The following ARHGAP28 variants were observed in gnomAD, a reference collection of about 807,000 sequenced individuals.
ARHGAP28 encodes Rho GTPase activating protein 28.
A neutral mutation model predicts 90.7 loss-of-function variants in ARHGAP28; 56 were observed. The observed-to-expected ratio is 0.62, with a 90% CI of 0.50 to 0.77. ARHGAP28 has a LOEUF of 0.77. ARHGAP28 is among the 30% of genes least tolerant of loss of function. The pLI is 0.00. For synonymous variants in ARHGAP28, 308 were observed against 323.3 expected (o/e 0.95, Z 0.51); for missense variants, 869 against 900.9 (o/e 0.96, Z 0.45).
chr18:6,779,790 A>G (rs1394099249), intron 1 of ARHGAP28, among the ~76,000 whole-genome samples: 2 of 152,220 alleles, frequency 1.3e-5, no homozygotes, highest in Non-Finnish European at 2.9e-5. Context: ...GCCTCTGCCA[A>G]TTCTTTATTG....
At chr18:6,905,612 A>G (rs1237359421) in intron 16 of ARHGAP28, among the ~76,000 whole-genome samples, 1 of 152,172 alleles carries the variant, frequency 6.6e-6, no homozygotes, top group Non-Finnish European at 1.5e-5. Flanking sequence ...ATAAAAGTCT[A>G]TTTGCAGATG....
intron 1 of ARHGAP28, among the ~76,000 whole-genome samples, chr18:6,760,166 T>G (rs558265225): frequency 6.6e-6 from 1 of 152,220 alleles, no homozygotes; most frequent in African/African-American, 2.4e-5. Context: ...AACAGATAGG[T>G]TTTTTCCGCT....
chr18:6,760,642 G>A (rs2056151810), intron 1 of ARHGAP28, among the ~76,000 whole-genome samples: 1 of 152,148 alleles, frequency 6.6e-6, no homozygotes, highest in South Asian at 2.1e-4. Context: ...GGATTGCTTT[G>A]ATAAAGCAAT....
chr18:6,823,140 C>A (rs9956412), intron 1 of ARHGAP28, among the ~76,000 whole-genome samples: 1 of 151,866 alleles, frequency 6.6e-6, no homozygotes, highest in African/African-American at 2.4e-5. Flanking sequence ...AACCCAAAGA[C>A]AAGAAGGCAA....
chr18:6,770,604 T>A (rs1308424362), intron 1 of ARHGAP28, among the ~76,000 whole-genome samples: 1 of 152,236 alleles, frequency 6.6e-6, no homozygotes, highest in East Asian at 1.9e-4. Context: ...AGTTGAGCTC[T>A]CTTGCTCCAC....
At chr18:6,800,411 T>C (rs1256456688) in intron 1 of ARHGAP28, among the ~76,000 whole-genome samples, 3 of 152,174 alleles carry the variant, frequency 2.0e-5, no homozygotes, top group Admixed American at 6.5e-5. Context: ...CATGCACACA[T>C]ATATTTATTG....
intron 3 of ARHGAP28, among the ~76,000 whole-genome samples, chr18:6,848,673 C>T (rs768596965): frequency 6.6e-6 from 1 of 152,116 alleles, no homozygotes; most frequent in Non-Finnish European, 1.5e-5. Flanking sequence ...GCGTTTGTCT[C>T]CCCTTGGCTG....
At position 6,851,654 on chromosome 18, in the gene ARHGAP28, C is replaced by A. The variant is rs144488943; in HGVS notation, c.636+528C>A. On this transcript the variant is annotated intron_variant, in intron 4 of 17. Coordinates refer to ENST00000383472, the MANE Select transcript of ARHGAP28 (RefSeq NM_001366230.1). The stretch of plus-strand genomic sequence containing the variant: ...CCCCAAACTGAAAATATCCAGATGG[C>A]CATTTGCAGGTAAATGGATAAAAAA... Among the ~76,000 whole-genome samples the A allele has an allele frequency of 1.6e-4, 24 of 152,110 alleles. No homozygotes were observed. In the East Asian group the frequency reaches 3.9e-3, roughly 24 times the overall value.
chr18:6,847,567 C>T (rs2056875406), intron 3 of ARHGAP28, among the ~76,000 whole-genome samples: 1 of 151,190 alleles, frequency 6.6e-6, no homozygotes, highest in Non-Finnish European at 1.5e-5. Flanking sequence ...TCGAATCTAA[C>T]CATACGAAGC....
Position 6,873,752 on chromosome 18 carries a change from A to G in ARHGAP28, c.1189A>G (p.Lys397Glu), listed in dbSNP as rs1316838173. The G allele has an allele frequency of 6.2e-7, 1 of 1,614,082 alleles. No homozygotes were observed. The highest frequency in any genetic ancestry group is 8.5e-7 in the Non-Finnish European group (1 of 1,179,964). The change falls in exon 9 of 18, where the codon AAA (lysine) becomes GAA (glutamate). Residue 397 changes from lysine (K) to glutamate (E), a missense_variant. Lys to Glu is a moderately conservative substitution (Grantham distance 56). Transcript: ENST00000383472. ...DGDRKKDPGV[K>E]VPLVLQKFFE... ...TGACCGAAAGAAAGACCCTGGAGTG[A>G]AAGTTCCCCTGGTATTACAAAAAGT...
intron 3 of ARHGAP28, among the ~76,000 whole-genome samples, chr18:6,843,965 G>T (rs145428909): frequency 2.6e-5 from 4 of 152,112 alleles, no homozygotes; most frequent in African/African-American, 9.7e-5. Flanking sequence ...GATACATCAC[G>T]CATGGTTTAC....
chr18:6,783,713 C>CA (rs1567946218), intron 1 of ARHGAP28, among the ~76,000 whole-genome samples: 1 of 152,200 alleles, frequency 6.6e-6, no homozygotes, highest in African/African-American at 2.4e-5. Context: ...ACAAGCCCCC[C>CA]TTGCCCTCTA....
chr18:6,823,686 A>G (rs2056641527), intron 1 of ARHGAP28, among the ~76,000 whole-genome samples: 1 of 148,320 alleles, frequency 6.7e-6, no homozygotes, highest in Admixed American at 6.9e-5. Context: ...ATTTTCTAGT[A>G]TTACCTACAA....
chr18:6,873,257 T>G, intron 7 of ARHGAP28, 152 bp from the exon 8 acceptor site: 1 of 655,152 alleles, frequency 1.5e-6, no homozygotes, highest in Non-Finnish European at 2.6e-6. Context: ...AAACCACATA[T>G]TCATATTTCT....
At chr18:6,896,862 T>C (rs1479263876) in intron 16 of ARHGAP28, 4 of 401,536 alleles carry the variant, frequency 1.0e-5, no homozygotes, top group African/African-American at 2.0e-5. Flanking sequence ...ATAGGTATTG[T>C]CTATCTTCGT....
At chr18:6,804,131 GCTATTCAGGTTAT>G (rs1468609555) in intron 1 of ARHGAP28, among the ~76,000 whole-genome samples, 1 of 152,190 alleles carries the variant, frequency 6.6e-6, no homozygotes, top group East Asian at 1.9e-4. Flanking sequence ...TAGATAAAGG[GCTATTCAGGTTAT>G]CTATTTCTTC....
intron 1 of ARHGAP28, among the ~76,000 whole-genome samples, chr18:6,799,336 T>C (rs566020822): frequency 6.6e-6 from 1 of 152,316 alleles, no homozygotes; most frequent in South Asian, 2.1e-4. Flanking sequence ...GATTCAGTGC[T>C]ATCTTCATCA....
intron 1 of ARHGAP28, among the ~76,000 whole-genome samples, chr18:6,755,002 G>A (rs2143284603): frequency 6.6e-6 from 1 of 152,068 alleles, no homozygotes; most frequent in East Asian, 1.9e-4. Context: ...AAAAAAATTA[G>A]CTAGGTGTGG....
In ARHGAP28 at chr18:6,858,126, A is replaced by C. The variant is rs138183763; in HGVS notation, c.637-1682A>C. On this transcript the variant is annotated intron_variant, in intron 4 of 17. Transcript: ENST00000383472. ...TAGGAATTCATTCATCCCCAAGGCAACAATTTCATTTAATTTAGATCGCTT... is the reference window on the plus strand; with the variant it reads ...TAGGAATTCATTCATCCCCAAGGCACCAATTTCATTTAATTTAGATCGCTT... Among the ~76,000 whole-genome samples, 8 of 152,156 alleles carry C rather than the reference A, an allele frequency of 5.3e-5. No homozygotes were observed. The East Asian group carries it at 9.7e-4, about 18-fold the overall frequency.
Sources: allele counts gnomAD v4.1 joint callset (sites outside exome capture counted in the v4.1 genomes callset), GRCh38; gene constraint gnomAD v4.1.1; transcripts MANE v1.5; gene names NCBI Gene and HGNC (gene_info 2026-07-23, HGNC 2026-07-21).